Variants in INSR observed in about 807,000 individuals in gnomAD.
INSR encodes IR.
INSR carries 67 observed loss-of-function variants against 142.6 expected under a neutral mutation model. The ratio of observed to expected loss-of-function variants is 0.47; its 90% CI spans 0.39 to 0.58. The LOEUF (loss-of-function observed/expected upper bound fraction) is 0.58. Ranked by LOEUF, INSR falls within the 20% of genes least tolerant of loss-of-function variation. The pLI, the probability that INSR is intolerant of heterozygous loss-of-function variation, is 0.00. For missense variants in INSR, 1,248 were observed against 1,833.2 expected (o/e 0.68, Z 5.83); for synonymous variants, 756 against 743.1 (o/e 1.02, Z -0.28).
At chr19:7,135,257 A>G (rs1972885360) in intron 13 of INSR, among the ~76,000 whole-genome samples, 1 of 150,152 alleles carries the variant, frequency 6.7e-6, no homozygotes, top group Non-Finnish European at 1.5e-5. Flanking sequence ...AAGCAAATAT[A>G]GAAACCCAAG....
intron 6 of INSR, among the ~76,000 whole-genome samples, chr19:7,169,792 A>G (rs1005882041): frequency 1.3e-5 from 2 of 152,126 alleles, no homozygotes; most frequent in African/African-American, 4.8e-5. Flanking sequence ...TCATTCATCC[A>G]TTCATTCAGT....
rs201383243 is a variant in INSR at position 7,212,913 on chromosome 19, AC to A, written c.653-28277del. Among the ~76,000 whole-genome samples the A allele has an allele frequency of 9.3e-3, 1,411 of 152,014 alleles. 9 individuals carry two copies. The highest frequency in any genetic ancestry group is 0.017 in the Non-Finnish European group (1,127 of 67,998). ...GAGAGAAAGTTCCATCTGCTTCTGT[AC>A]CACCCTCTAGCAGCCCTCTCCAGCC... On this transcript the variant is annotated intron_variant, in intron 2 of 21. Coordinates refer to ENST00000302850, the MANE Select transcript of INSR (RefSeq NM_000208.4).
At chr19:7,274,366 C>T (rs1968003967) in intron 1 of INSR, among the ~76,000 whole-genome samples, 1 of 151,904 alleles carries the variant, frequency 6.6e-6, no homozygotes, top group African/African-American at 2.4e-5. Context: ...CCTAACAGGA[C>T]ATGGACTGCT....
At chr19:7,196,674 T>G (rs1295906801) in intron 2 of INSR, among the ~76,000 whole-genome samples, 1 of 152,032 alleles carries the variant, frequency 6.6e-6, no homozygotes, top group African/African-American at 2.4e-5. Context: ...AATGATTCGA[T>G]AGCTCCACAT....
At chr19:7,266,143 G>A (rs1346047987) in intron 2 of INSR, among the ~76,000 whole-genome samples, 3 of 152,178 alleles carry the variant, frequency 2.0e-5, no homozygotes, top group East Asian at 3.9e-4. Flanking sequence ...CCTCCCTCCC[G>A]CAGTAAATTA....
In INSR at chr19:7,216,242, T is replaced by G. The variant is rs1416356568; in HGVS notation, c.653-31605A>C. ...GGGAGGCTGAGTCAAGAGAATTGCT[T>G]AAACCCAGGAGGCAGAGGTTGCAGT... On this transcript the variant is annotated intron_variant, in intron 2 of 21. Transcript: ENST00000302850. The surrounding 1 kb of genome is among the most constrained non-coding windows in gnomAD (Gnocchi z 4.2). 6.6e-6 allele frequency among the ~76,000 whole-genome samples: 1 copy of G among 152,158 alleles called. No individual in the cohort carries two copies. The highest frequency in any genetic ancestry group is 1.5e-5 in the Non-Finnish European group (1 of 68,032).
intron 9 of INSR, among the ~76,000 whole-genome samples, chr19:7,155,084 G>A (rs533742404): frequency 2.2e-4 from 34 of 152,180 alleles, no homozygotes; most frequent in Admixed American, 6.5e-4. Context: ...GGGTGTCTGC[G>A]GGTGCCATTT....
chr19:7,197,532 T>G (rs887802091), intron 2 of INSR, among the ~76,000 whole-genome samples: 1 of 145,016 alleles, frequency 6.9e-6, no homozygotes, highest in Non-Finnish European at 1.5e-5. Flanking sequence ...TGTGTGTGTG[T>G]GTGTGTGTGT....
rs376015807 is a variant in INSR, at chr19:7,174,595, T to C, written c.1111A>G (p.Ile371Val). 6.2e-7 allele frequency: 1 copy of C among 1,613,786 alleles called. No individual in the cohort carries two copies. The highest frequency in any genetic ancestry group is 8.5e-7 in the Non-Finnish European group (1 of 1,179,916). ...TVINGSLIIN[I>V]RGGNNLAAEL... ...CAGAGACACTCACTGCCTCCTCGAA[T>C]GTTGATGATCAGACTCCCGTTGATG... The change falls in exon 4 of 22, where the codon ATT (isoleucine) becomes GTT (valine). Residue 371 changes from isoleucine (I) to valine (V), a missense_variant. By Grantham distance (29) the Ile-to-Val change is conservative (BLOSUM62 3). Transcript: ENST00000302850.
At chr19:7,126,508 C>T (rs1972648647) in intron 16 of INSR, 76 bp downstream of exon 16, 8 of 1,336,312 alleles carry the variant, frequency 6.0e-6, no homozygotes, top group East Asian at 2.5e-5. Context: ...CCATCCTTCA[C>T]TCTCACTCAA....
intron 1 of INSR, among the ~76,000 whole-genome samples, chr19:7,292,044 C>A (rs1968505663): frequency 6.6e-6 from 1 of 151,670 alleles, no homozygotes. Flanking sequence ...CCACCCGCCT[C>A]GGCCTCCCAA....
intron 20 of INSR, 30 bp downstream of exon 20, chr19:7,120,590 C>G (rs200281940): frequency 6.2e-7 from 1 of 1,613,220 alleles, no homozygotes; most frequent in Admixed American, 1.7e-5. Context: ...TCAAGCCCAG[C>G]GTCCATCCAC....
chr19:7,258,949 CTTCCT>C (rs1976973855), intron 2 of INSR, among the ~76,000 whole-genome samples: 1 of 130,320 alleles, frequency 7.7e-6, no homozygotes, highest in Non-Finnish European at 1.7e-5. Context: ...TTCCTTCTTC[CTTCCT>C]TCCTTCCCTC....
intron 1 of INSR, among the ~76,000 whole-genome samples, chr19:7,274,425 T>C (rs2145224168): frequency 6.6e-6 from 1 of 151,472 alleles, no homozygotes. Context: ...CAGGATTTTT[T>C]TCCCATGACG....
chr19:7,283,394 A>T (rs1968259619), intron 1 of INSR, among the ~76,000 whole-genome samples: 1 of 152,130 alleles, frequency 6.6e-6, no homozygotes, highest in Non-Finnish European at 1.5e-5. Flanking sequence ...GGGCATTTGC[A>T]TTCAAAGGAT....
chr19:7,152,425 G>A (rs1029576061), intron 10 of INSR: 4 of 417,836 alleles, frequency 9.6e-6, no homozygotes, highest in Middle Eastern at 7.5e-4. Context: ...AATGTTAATC[G>A]TCTAACGGAG....
intron 2 of INSR, among the ~76,000 whole-genome samples, chr19:7,224,179 T>C (rs1975707635): frequency 6.6e-6 from 1 of 151,402 alleles, no homozygotes; most frequent in Non-Finnish European, 1.5e-5. Flanking sequence ...CTTGACCTCG[T>C]GATCCGCCTG....
chr19:7,215,788 C>G (rs1287506948), intron 2 of INSR, among the ~76,000 whole-genome samples: 1 of 151,714 alleles, frequency 6.6e-6, no homozygotes, highest in Non-Finnish European at 1.5e-5. Flanking sequence ...TGGCTGGTCT[C>G]AAACTCCTGA....
At chr19:7,204,187 T>G (rs1470106432) in intron 2 of INSR, among the ~76,000 whole-genome samples, 1 of 151,422 alleles carries the variant, frequency 6.6e-6, no homozygotes, top group Non-Finnish European at 1.5e-5. Context: ...GGATTACAGG[T>G]GCCCAGCACC....
Sources: gnomAD v4.1 joint callset for allele counts (sites outside exome capture counted in the v4.1 genomes callset) on GRCh38, gnomAD v4.1.1 for gene constraint, Gnocchi (gnomAD v3.1) non-coding constraint, MANE v1.5 for transcripts, NCBI Gene and HGNC (gene_info 2026-07-23, HGNC 2026-07-21) for gene names.